The following PROS1 variants were observed in gnomAD, a reference collection of about 807,000 sequenced individuals.
The protein encoded by PROS1 is vitamin K-dependent protein S.
PROS1 carries 29 observed loss-of-function variants against 75.9 expected under a neutral mutation model. The ratio of observed to expected loss-of-function variants is 0.38; its 90% CI spans 0.28 to 0.52. The LOEUF (loss-of-function observed/expected upper bound fraction) is 0.52, where lower values mean the gene tolerates loss of function less well. Ranked by LOEUF, PROS1 falls within the 20% of genes least tolerant of loss-of-function variation. The pLI, the probability that PROS1 is intolerant of heterozygous loss-of-function variation, is 0.83. For missense variants in PROS1, 680 were observed against 810.3 expected (o/e 0.84, Z 1.95); for synonymous variants, 245 against 280.6 (o/e 0.87, Z 1.27).
chr3:93,922,193 G>A (rs1372998827), intron 3 of PROS1, among the ~76,000 whole-genome samples: 6 of 152,000 alleles, frequency 3.9e-5, no homozygotes, highest in Non-Finnish European at 8.8e-5. Flanking sequence ...AGCATTCTGA[G>A]GTAATTCACC....
chr3:93,914,687 C>T (rs1016215995), intron 3 of PROS1, among the ~76,000 whole-genome samples: 3 of 152,120 alleles, frequency 2.0e-5, no homozygotes, highest in Admixed American at 2.0e-4. Context: ...TTAATTTCAA[C>T]AGGTTTTGGG....
In PROS1 at chr3:93,898,497, C is replaced by A; in HGVS notation, c.800G>T (p.Cys267Phe). ...AAGTTTGAATCCTTTCTTCCCATCA[C>A]AATAGCAAGTGTAACCTCCAGGGTA... is the stretch of plus-strand genomic sequence containing the variant. ...VNYPGGYTCY[C>F]DGKKGFKLAQ... Residue 267 changes from cysteine (C) to phenylalanine (F), a missense_variant, in exon 8 of 15, where the codon TGT becomes TTT. By Grantham distance (205) the Cys-to-Phe change is radical. Transcript: ENST00000394236. 6.2e-7 allele frequency: 1 copy of A among 1,612,788 alleles called. No individual in the cohort carries two copies. The highest frequency in any genetic ancestry group is 1.3e-5 in the African/African-American group (1 of 74,970).
Position 93,939,576 on chromosome 3 carries a change from C to G in PROS1, c.77-12169G>C, listed in dbSNP as rs532314894. The stretch of plus-strand genomic sequence containing the variant: ...TTTCATTCTGAGACTAGCCCTCCCC[C>G]ACCTGCCCAACAATTTCCTCTTAAA... On this transcript the variant is annotated intron_variant, in intron 1 of 14. Transcript: ENST00000394236. Among the ~76,000 whole-genome samples, 7 of 152,278 alleles carry G rather than the reference C, an allele frequency of 4.6e-5. No individual in the cohort carries two copies. In the East Asian group the frequency reaches 5.8e-4, roughly 13 times the overall value.
intron 3 of PROS1, among the ~76,000 whole-genome samples, chr3:93,923,886 A>C (rs938458758): frequency 4.0e-5 from 6 of 151,228 alleles, no homozygotes; most frequent in Non-Finnish European, 8.8e-5. Flanking sequence ...TGGGTGACAC[A>C]GCAAGGCGCT....
At chr3:93,968,542 G>A (rs754020621) in intron 1 of PROS1, among the ~76,000 whole-genome samples, 11 of 152,066 alleles carry the variant, frequency 7.2e-5, no homozygotes, top group Non-Finnish European at 1.3e-4. Context: ...AGTCCTAGGG[G>A]ACTAATACAG....
intron 1 of PROS1, among the ~76,000 whole-genome samples, chr3:93,965,214 T>C (rs1709769384): frequency 6.6e-6 from 1 of 152,206 alleles, no homozygotes; most frequent in Non-Finnish European, 1.5e-5. Flanking sequence ...TATTAAATCT[T>C]GCAACTGCCC....
intron 6 of PROS1, among the ~76,000 whole-genome samples, chr3:93,905,209 G>T (rs1708655116): frequency 6.6e-6 from 1 of 152,214 alleles, no homozygotes; most frequent in Non-Finnish European, 1.5e-5. Context: ...GCAAAGACTT[G>T]CATTGAAACA....
intron 1 of PROS1, among the ~76,000 whole-genome samples, chr3:93,950,383 C>T (rs1486108333): frequency 6.6e-6 from 1 of 152,218 alleles, no homozygotes; most frequent in East Asian, 1.9e-4. Flanking sequence ...CAGACTGCCT[C>T]CTCAAGTGGG....
chr3:93,909,955 A>G (rs1708734969), intron 4 of PROS1, among the ~76,000 whole-genome samples: 1 of 152,188 alleles, frequency 6.6e-6, no homozygotes, highest in South Asian at 2.1e-4. Context: ...CATTAAATAT[A>G]CGTATTCAGA....
chr3:93,892,862 A>G (rs557780771), intron 10 of PROS1, 71 bp downstream of exon 10: 24 of 1,510,866 alleles, frequency 1.6e-5, no homozygotes, highest in Middle Eastern at 2.4e-4. Flanking sequence ...TGGTATCACT[A>G]TAAAAATAAA....
chr3:93,933,497 C>A (rs1335967515), intron 1 of PROS1, among the ~76,000 whole-genome samples: 2 of 151,670 alleles, frequency 1.3e-5, no homozygotes, highest in African/African-American at 2.4e-5. Flanking sequence ...ATCGCTTGAG[C>A]CCAGAAGGTT....
chr3:93,947,876 G>T (rs1710454375), intron 1 of PROS1, among the ~76,000 whole-genome samples: 1 of 152,038 alleles, frequency 6.6e-6, no homozygotes, highest in African/African-American at 2.4e-5. Context: ...CCTAGAAAGA[G>T]TTATTTTCAA....
chr3:93,922,764 G>T (rs1356648406), intron 3 of PROS1, among the ~76,000 whole-genome samples: 2 of 151,934 alleles, frequency 1.3e-5, no homozygotes, highest in East Asian at 3.9e-4. Context: ...GTGTAACTTA[G>T]GCAGGACATT....
At chr3:93,938,591 C>T (rs990057391) in intron 1 of PROS1, among the ~76,000 whole-genome samples, 2 of 152,174 alleles carry the variant, frequency 1.3e-5, no homozygotes, top group East Asian at 3.9e-4. Context: ...ATCGGTTAAG[C>T]GGTCTTTTCA....
chr3:93,955,618 C>T (rs530020098), intron 1 of PROS1, among the ~76,000 whole-genome samples: 1 of 151,808 alleles, frequency 6.6e-6, no homozygotes, highest in East Asian at 1.9e-4. Flanking sequence ...GGAGATATGC[C>T]TGATGTAAAT....
At chr3:93,932,174 C>G (rs1709116017) in intron 1 of PROS1, among the ~76,000 whole-genome samples, 1 of 152,334 alleles carries the variant, frequency 6.6e-6, no homozygotes, top group East Asian at 1.9e-4. Context: ...ACCATAATAA[C>G]CATGACATAT....
In PROS1 at chr3:93,881,708, T is replaced by C. The variant is rs1708278279; in HGVS notation, c.1493-2394A>G. Among the ~76,000 whole-genome samples, 5 of 151,994 alleles carry C rather than the reference T, an allele frequency of 3.3e-5. No individual in the cohort carries two copies. The South Asian group carries it at 1.0e-3, about 31-fold the overall frequency. On this transcript the variant is annotated intron_variant, in intron 12 of 14. Transcript: ENST00000394236. ...CTGAGTAGCTGGGACTACAGGTGCA[T>C]GCCATCAGGCTTGGCTAATTTTTGT...
chr3:93,963,811 C>T lies in PROS1; in HGVS notation c.76+9863G>A, dbSNP rs538694176. Among the ~76,000 whole-genome samples the T allele has an allele frequency of 2.6e-5, 4 of 152,142 alleles. No individual in the cohort carries two copies. The East Asian group carries it at 7.8e-4, about 30-fold the overall frequency. The stretch of plus-strand genomic sequence containing the variant: ...CTGGTGCTAAGTTATTCATAAGGGA[C>T]CTACCCCCATGACCAAAACACCTCC... On this transcript the variant is annotated intron_variant, in intron 1 of 14. Transcript: ENST00000394236.
chr3:93,949,275 A>G (rs1050580693), intron 1 of PROS1, among the ~76,000 whole-genome samples: 1 of 152,190 alleles, frequency 6.6e-6, no homozygotes, highest in African/African-American at 2.4e-5. Context: ...TTAGCTACAT[A>G]GGTTCACTTC....
Sources: gnomAD v4.1 joint callset for allele counts (sites outside exome capture counted in the v4.1 genomes callset) on GRCh38, gnomAD v4.1.1 for gene constraint, MANE v1.5 for transcripts, NCBI Gene and HGNC (gene_info 2026-07-23, HGNC 2026-07-21) for gene names.